The following DAP3 variants were observed in gnomAD, a reference collection of about 807,000 sequenced individuals.
DAP3 encodes death associated protein 3, also known as small ribosomal subunit protein mS29.
A neutral mutation model predicts 51.9 loss-of-function variants in DAP3; 28 were observed. That is an observed-to-expected ratio of 0.54 (90% CI 0.40 to 0.74). The LOEUF (loss-of-function observed/expected upper bound fraction) is 0.74, where lower values mean the gene tolerates loss of function less well. Among genes scored for constraint, DAP3 ranks in the 30% least tolerant of loss-of-function variants. The probability of loss-of-function intolerance (pLI) is 0.00; values close to 1 mark genes in which losing one functional copy is unlikely to be tolerated. For missense variants in DAP3, 458 were observed against 483.5 expected, an observed-to-expected ratio of 0.95 and a Z score of 0.49; for synonymous variants, 170 against 170.3, an observed-to-expected ratio of 1.00 and a Z score of 0.01.
intron 12 of DAP3, among the ~76,000 whole-genome samples, chr1:155,737,690 C>G (rs1325850335): frequency 2.0e-5 from 3 of 150,544 alleles, no homozygotes; most frequent in African/African-American, 7.3e-5. Flanking sequence ...TTTGGGAGGG[C>G]AAGGTGGGAA....
intron 1 of DAP3, 117 bp downstream of exon 1, chr1:155,689,291 C>A (rs1029503385): frequency 3.2e-6 from 2 of 633,250 alleles, no homozygotes; most frequent in Non-Finnish European, 5.9e-6. Flanking sequence ...GGGGATTCCT[C>A]CCGGGCGTTG....
chr1:155,690,549 AAG>A (rs1347289472), intron 1 of DAP3, among the ~76,000 whole-genome samples: 1 of 141,858 alleles, frequency 7.0e-6, no homozygotes, highest in Non-Finnish European at 1.5e-5. Flanking sequence ...CAAAAAAAGA[AAG>A]AAGACATTAG....
At chr1:155,711,582 TG>T (rs1656718042) in intron 2 of DAP3, among the ~76,000 whole-genome samples, 1 of 136,044 alleles carries the variant, frequency 7.4e-6, no homozygotes, top group Non-Finnish European at 1.6e-5. Context: ...GAGAAAGTTT[TG>T]TTTTTTTTTT....
At chr1:155,701,824 C>T (rs1655322891) in intron 1 of DAP3, among the ~76,000 whole-genome samples, 1 of 151,590 alleles carries the variant, frequency 6.6e-6, no homozygotes, top group Admixed American at 6.6e-5. Context: ...ACACTGGATC[C>T]TTGTGTTTTC....
intron 2 of DAP3, among the ~76,000 whole-genome samples, chr1:155,716,165 A>G (rs529852663): frequency 6.6e-6 from 1 of 152,262 alleles, no homozygotes; most frequent in Non-Finnish European, 1.5e-5. Flanking sequence ...CGTATAGGAC[A>G]GACCCCTGAT....
At chr1:155,736,057 T>A (rs1571578950) in intron 11 of DAP3, among the ~76,000 whole-genome samples, 1 of 151,988 alleles carries the variant, frequency 6.6e-6, no homozygotes, top group South Asian at 2.1e-4. Context: ...GCCAGGCAGG[T>A]CTTGAACTCC....
chr1:155,731,871 A>G (rs1659270796), intron 10 of DAP3, 73 bp from the exon 11 acceptor site: 2 of 1,455,140 alleles, frequency 1.4e-6, no homozygotes, highest in Non-Finnish European at 9.2e-7. Flanking sequence ...GAAAAAAAAA[A>G]TCTACAGATG....
At chr1:155,688,193 G>A (rs1301108452), upstream of DAP3, 1 of 1,614,028 alleles carries the variant, frequency 6.2e-7, no homozygotes, top group Non-Finnish European at 8.5e-7. Flanking sequence ...CGGCCAGCGG[G>A]TAAGCCGACT....
intron 4 of DAP3, among the ~76,000 whole-genome samples, chr1:155,722,735 C>G (rs1041848610): frequency 6.6e-6 from 1 of 152,106 alleles, no homozygotes; most frequent in African/African-American, 2.4e-5. Flanking sequence ...GGAGTTCAGG[C>G]TGCAGTGAGC....
intron 4 of DAP3, among the ~76,000 whole-genome samples, chr1:155,724,909 G>A (rs1404175817): frequency 2.0e-5 from 3 of 151,060 alleles, no homozygotes; most frequent in South Asian, 2.1e-4. Flanking sequence ...AGCCGAGATC[G>A]TGCCATTGCA....
chr1:155,717,016 G>C lies in DAP3; in HGVS notation c.56G>C (p.Gly19Ala). The change falls in exon 3 of 13, where the codon GGG (glycine) becomes GCG (alanine). Residue 19 changes from glycine (G) to alanine (A), a missense_variant. Gly to Ala is a moderately conservative substitution (Grantham distance 60). Transcript: ENST00000368336. ...LISRIHKLDPGRFLHMGTQAR... is the reference protein window; with the variant it reads ...LISRIHKLDPARFLHMGTQAR... ...TGGTTTCTCTTATAGTTGGACCCTG[G>C]GCGTTTTTTACACATGGGGACCCAG... 1 of 1,613,924 alleles carries C rather than the reference G, an allele frequency of 6.2e-7. No homozygotes were observed. Among genetic ancestry groups the C allele is most frequent in the Non-Finnish European group, 8.5e-7 (1 of 1,179,996 alleles).
chr1:155,700,783 G>A lies in DAP3; in HGVS notation c.-7-8990G>A, dbSNP rs1479832198. On this transcript the variant is annotated intron_variant, in intron 1 of 12. Transcript: ENST00000368336. Reference sequence around the variant, plus strand: ...TCCGCCCAGCCAGCCGCGCCGTCTGGGAGGTGAGGGGTGCCTCTGCCCGGC... The same window carrying A: ...TCCGCCCAGCCAGCCGCGCCGTCTGAGAGGTGAGGGGTGCCTCTGCCCGGC... Among the ~76,000 whole-genome samples, 32 of 139,812 alleles carry A rather than the reference G, an allele frequency of 2.3e-4. 1 individual carries two copies. Among genetic ancestry groups the A allele is most frequent in the African/African-American group, 6.7e-4 (25 of 37,134 alleles). The allele number at this position is 139,812 out of a possible 152,430, so 91.7% of individuals were successfully genotyped here.
chr1:155,710,131 G>C (rs1204211522), intron 2 of DAP3: 4 of 251,558 alleles, frequency 1.6e-5, no homozygotes, highest in Non-Finnish European at 3.0e-5. Context: ...TACAGCTTTA[G>C]CATCTAAAAT....
intron 10 of DAP3, 142 bp downstream of exon 10, chr1:155,731,557 G>C (rs898558278): frequency 5.6e-5 from 43 of 768,970 alleles, no homozygotes; most frequent in Middle Eastern, 2.6e-4. Flanking sequence ...TCCTGTATCT[G>C]TACCAAGTTA....
rs1660025261 is a variant in DAP3, at chr1:155,738,447, CT to C, written c.*208del. ...ATAAGATATTCCCTTGTTCCTAAAA[CT>C]TTATATCAGTTTATTGGATGTGGTT... On this transcript the variant is annotated 3_prime_UTR_variant, in exon 13 of 13. Coordinates refer to ENST00000368336, the MANE Select transcript of DAP3 (RefSeq NM_004632.4). 4.5e-6 allele frequency: 2 copies of C among 445,988 alleles called. No homozygotes were observed. Among genetic ancestry groups the C allele is most frequent in the Non-Finnish European group, 7.9e-6 (2 of 253,454 alleles). The allele number at this position is 445,988 out of a possible 1,614,324, so 27.6% of individuals were successfully genotyped here.
intron 12 of DAP3, 151 bp from the exon 13 acceptor site, chr1:155,738,006 T>TG (rs1659982710): frequency 1.5e-6 from 1 of 680,812 alleles, no homozygotes; most frequent in Admixed American, 2.8e-5. Flanking sequence ...AGTAGCTTGT[T>TG]GGGGTGAGGG....
chr1:155,708,861 C>A lies in DAP3; in HGVS notation c.-7-912C>A, dbSNP rs1158916320. Among the ~76,000 whole-genome samples, 9 of 151,824 alleles carry A rather than the reference C, an allele frequency of 5.9e-5. 1 individual carries two copies. The highest frequency in any genetic ancestry group is 5.3e-4 in the Admixed American group (8 of 15,226). Reference sequence around the variant, plus strand: ...CTGGGACTACAGGCGCCCACCACCACACCTAGCTATTTTTTTGCATTTTTA... The same window carrying A: ...CTGGGACTACAGGCGCCCACCACCAAACCTAGCTATTTTTTTGCATTTTTA... On this transcript the variant is annotated intron_variant, in intron 1 of 12. Coordinates refer to ENST00000368336, the MANE Select transcript of DAP3 (RefSeq NM_004632.4).
intron 3 of DAP3, among the ~76,000 whole-genome samples, chr1:155,720,485 C>A (rs1047681115): frequency 1.3e-5 from 2 of 151,396 alleles, no homozygotes; most frequent in East Asian, 2.0e-4. Context: ...CCTGTCTCTA[C>A]TAAAAATACA....
At chr1:155,722,515 A>G (rs1658120561) in intron 4 of DAP3, among the ~76,000 whole-genome samples, 1 of 152,106 alleles carries the variant, frequency 6.6e-6, no homozygotes, top group African/African-American at 2.4e-5. Flanking sequence ...CAGGAGTTCA[A>G]GACCAGCTGG....
Sources: gnomAD v4.1 joint callset for allele counts (sites outside exome capture counted in the v4.1 genomes callset) on GRCh38, gnomAD v4.1.1 for gene constraint, MANE v1.5 for transcripts, NCBI Gene and HGNC (gene_info 2026-07-23, HGNC 2026-07-21) for gene names.